Variants in CPNE4 observed in about 807,000 individuals in gnomAD.
CPNE4 encodes the protein copine-4.
CPNE4 carries 25 observed loss-of-function variants against 67.9 expected under a neutral mutation model. That is an observed-to-expected ratio of 0.37 (90% CI 0.27 to 0.51). The LOEUF is 0.51. Among genes scored for constraint, CPNE4 ranks in the 20% least tolerant of loss-of-function variants. The pLI, the probability that CPNE4 is intolerant of heterozygous loss-of-function variation, is 0.93. For missense variants in CPNE4, 464 were observed against 690.8 expected (o/e 0.67, Z 3.68); for synonymous variants, 242 against 244.9 (o/e 0.99, Z 0.11).
chr3:132,019,150 A>C (rs75436043), intron 1 of CPNE4, among the ~76,000 whole-genome samples: 3 of 86,042 alleles, frequency 3.5e-5, no homozygotes, highest in South Asian at 1.1e-3. Context: ...TGAAGCAAAC[A>C]AAAAAAAAAT....
intron 2 of CPNE4, among the ~76,000 whole-genome samples, chr3:131,785,088 G>T (rs1222123990): frequency 6.6e-6 from 1 of 152,130 alleles, no homozygotes; most frequent in African/African-American, 2.4e-5. Flanking sequence ...GAGGCTTGGT[G>T]TGAGGACATA....
chr3:131,549,579 G>T (rs533134619), intron 14 of CPNE4, among the ~76,000 whole-genome samples: 11 of 152,248 alleles, frequency 7.2e-5, no homozygotes, highest in African/African-American at 2.6e-4. Flanking sequence ...GCTTCCATCT[G>T]TAGTATGGGT....
At chr3:131,660,133 T>G (rs926616731) in intron 7 of CPNE4, among the ~76,000 whole-genome samples, 12 of 152,326 alleles carry the variant, frequency 7.9e-5, no homozygotes, top group African/African-American at 2.9e-4. Context: ...TTCTTTTTAA[T>G]GTAAGATCAG....
chr3:131,892,666 G>C (rs1201948104), intron 2 of CPNE4, among the ~76,000 whole-genome samples: 12 of 151,876 alleles, frequency 7.9e-5, no homozygotes, highest in Non-Finnish European at 1.8e-4. Context: ...TTTTTTTAAA[G>C]GTAAATTAAG....
intron 2 of CPNE4, among the ~76,000 whole-genome samples, chr3:131,807,031 C>G (rs988959175): frequency 6.6e-6 from 1 of 152,118 alleles, no homozygotes; most frequent in Non-Finnish European, 1.5e-5. Flanking sequence ...AACACCAGGA[C>G]AAGGGACCTG....
intron 1 of CPNE4, among the ~76,000 whole-genome samples, chr3:131,940,332 T>C (rs2071349056): frequency 1.3e-5 from 2 of 152,236 alleles, no homozygotes; most frequent in South Asian, 2.1e-4. Flanking sequence ...ATATAACTCA[T>C]GCACACAGGG....
intron 2 of CPNE4, among the ~76,000 whole-genome samples, chr3:131,896,521 T>C (rs913985423): frequency 4.6e-5 from 7 of 152,022 alleles, no homozygotes; most frequent in Admixed American, 2.6e-4. Context: ...AGGGAAAATA[T>C]GTATGTAAAG....
chr3:131,580,055 T>C (rs1395287037), intron 9 of CPNE4, among the ~76,000 whole-genome samples: 1 of 152,128 alleles, frequency 6.6e-6, no homozygotes, highest in East Asian at 1.9e-4. Context: ...AGAAACTTCA[T>C]TGTTGTCTTA....
At chr3:131,889,925 A>G (rs188020763) in intron 2 of CPNE4, among the ~76,000 whole-genome samples, 18 of 152,324 alleles carry the variant, frequency 1.2e-4, no homozygotes, top group Admixed American at 6.5e-4. Flanking sequence ...ATCTCACACC[A>G]TAACAAAATC....
chr3:132,037,441 A>G, upstream of CPNE4: 1 of 778,982 alleles, frequency 1.3e-6, no homozygotes, highest in South Asian at 1.5e-5. Context: ...ACAAATGAAG[A>G]TTTGTAACCA....
rs190328789 is a variant in CPNE4, at chr3:131,965,843, G to A, written c.-1-60399C>T. ...AGACAGAAAATTAACAAGGATATTC[G>A]GGATTTGAACTCAGCTCTGGACCAA... On this transcript the variant is annotated intron_variant, in intron 1 of 15. Transcript: ENST00000429747. 5.3e-5 allele frequency among the ~76,000 whole-genome samples: 8 copies of A among 151,982 alleles called. No individual in the cohort carries two copies. In the East Asian group the frequency reaches 1.4e-3, roughly 26 times the overall value.
chr3:131,836,091 C>G (rs868488780), intron 2 of CPNE4, among the ~76,000 whole-genome samples: 18 of 152,176 alleles, frequency 1.2e-4, no homozygotes, highest in African/African-American at 4.3e-4. Flanking sequence ...AAATATCACA[C>G]TGGTTTCAGG....
intron 2 of CPNE4, among the ~76,000 whole-genome samples, chr3:131,799,039 C>T (rs2083998364): frequency 6.6e-6 from 1 of 151,936 alleles, no homozygotes; most frequent in Non-Finnish European, 1.5e-5. Flanking sequence ...TTCAAACTCT[C>T]CTGACAAGGA....
intron 6 of CPNE4, among the ~76,000 whole-genome samples, chr3:131,678,195 A>C (rs113754712): frequency 0.014 from 2,146 of 151,948 alleles, 21 homozygotes; most frequent in Non-Finnish European, 0.025. Context: ...TTTTAGTAGC[A>C]ATTGTGAATG....
intron 1 of CPNE4, among the ~76,000 whole-genome samples, chr3:131,952,690 A>T (rs1486659534): frequency 7.5e-6 from 1 of 133,966 alleles, no homozygotes. Context: ...GGCCGCCCCT[A>T]CTGGGAAGTG....
intron 1 of CPNE4, among the ~76,000 whole-genome samples, chr3:131,961,806 TCA>T (rs1439551452): frequency 6.6e-6 from 1 of 152,122 alleles, no homozygotes; most frequent in Non-Finnish European, 1.5e-5. Context: ...ATAGGTGACA[TCA>T]CCAAGAGTCA....
chr3:131,924,822 A>T (rs186646646), intron 1 of CPNE4, among the ~76,000 whole-genome samples: 1 of 152,278 alleles, frequency 6.6e-6, no homozygotes, highest in East Asian at 1.9e-4. Context: ...TGATGGAATG[A>T]CTTGGTGACT....
At chr3:131,846,456 A>G (rs528223555) in intron 2 of CPNE4, among the ~76,000 whole-genome samples, 1 of 152,280 alleles carries the variant, frequency 6.6e-6, no homozygotes, top group South Asian at 2.1e-4. Context: ...TACCTGTAAA[A>G]ACCCATTACA....
At chr3:131,674,451 C>G (rs2080507261) in intron 6 of CPNE4, among the ~76,000 whole-genome samples, 2 of 151,874 alleles carry the variant, frequency 1.3e-5, no homozygotes, top group Admixed American at 1.3e-4. Context: ...CATCAGTTTC[C>G]AGGCTTTTCT....
Sources: gnomAD v4.1 joint callset for allele counts (sites outside exome capture counted in the v4.1 genomes callset) on GRCh38, gnomAD v4.1.1 for gene constraint, MANE v1.5 for transcripts, NCBI Gene and HGNC (gene_info 2026-07-23, HGNC 2026-07-21) for gene names.